The following DMD variants were observed in gnomAD, a reference collection of about 807,000 sequenced individuals.
The protein encoded by DMD is dystrophin.
In DMD, 63 loss-of-function variants were observed where a neutral mutation model predicts 330.1. The observed-to-expected ratio is 0.19, with a 90% confidence interval of 0.16 to 0.24. DMD has a LOEUF of 0.24. Ranked by LOEUF, DMD falls within the 10% of genes least tolerant of loss-of-function variation. The probability of loss-of-function intolerance (pLI) is 1.00; values close to 1 mark genes in which losing one functional copy is unlikely to be tolerated. For synonymous variants in DMD, 1,223 were observed against 959.8 expected, an observed-to-expected ratio of 1.27 and a Z score of -5.07; for missense variants, 3,344 against 2,684.1, an observed-to-expected ratio of 1.25 and a Z score of -5.43.
rs1006402565 is a variant in DMD at position 32,608,901 on chromosome X, A to T, written c.1482+5402T>A. ...AAATGAAACTTCATAGCAGAAACAA[A>T]CAACATGTAATTTTAACCTTGCTAA... On this transcript the variant is annotated intron_variant, in intron 12 of 78. Transcript: ENST00000357033. Among the ~76,000 whole-genome samples the T allele has an allele frequency of 1.7e-4, 19 of 110,974 alleles. No individual in the cohort carries two copies. The Middle Eastern group carries it at 0.014, about 81-fold the overall frequency.
rs771156561 is a variant in DMD at position 31,182,704 on chromosome X, A to G, written c.9974+34T>C. The stretch of plus-strand genomic sequence containing the variant: ...TCATAAAAAGGTGAAAAATGATGAG[A>G]AAAAAATGACATTTTTTTTTTGGTT... On this transcript the variant is annotated intron_variant, in intron 68 of 78. Coordinates refer to ENST00000357033, the MANE Select transcript of DMD (RefSeq NM_004006.3). 4 of 1,155,065 alleles carry G rather than the reference A, an allele frequency of 3.5e-6. No homozygotes were observed. The Admixed American group carries it at 9.5e-5, about 27-fold the overall frequency.
At chrX:31,212,456 G>A (rs1443041750) in intron 64 of DMD, among the ~76,000 whole-genome samples, 1 of 109,512 alleles carries the variant, frequency 9.1e-6, no homozygotes, top group Non-Finnish European at 1.9e-5. Context: ...GTGGCGGTTG[G>A]GGGGCGGCGA....
chrX:32,681,725 T>A (rs1421264638), intron 9 of DMD, among the ~76,000 whole-genome samples: 1 of 112,182 alleles, frequency 8.9e-6, no homozygotes, highest in African/African-American at 3.2e-5. Context: ...TTCTAGTCCT[T>A]TTCCTCTTGG....
chrX:31,800,682 C>T (rs760173088), intron 50 of DMD, among the ~76,000 whole-genome samples: 28 of 112,427 alleles, frequency 2.5e-4, no homozygotes, highest in Non-Finnish European at 5.1e-4. Flanking sequence ...CATTGTTAGG[C>T]TGCAGATTTT....
chrX:31,482,071 C>T (rs990302594), intron 57 of DMD, among the ~76,000 whole-genome samples: 2 of 111,206 alleles, frequency 1.8e-5, no homozygotes, highest in Non-Finnish European at 3.8e-5. Flanking sequence ...CATCATGTTG[C>T]CCTAGGGGTA....
chrX:32,048,349 AT>A (rs764200400), intron 44 of DMD, among the ~76,000 whole-genome samples: 14 of 103,502 alleles, frequency 1.4e-4, no homozygotes, highest in East Asian at 3.0e-4. Flanking sequence ...ATGCTTTTAA[AT>A]TTTTTTTTTC....
intron 2 of DMD, among the ~76,000 whole-genome samples, chrX:32,900,791 T>C (rs751538064): frequency 4.5e-5 from 5 of 112,005 alleles, no homozygotes; most frequent in East Asian, 2.8e-4. Context: ...GAAGATCACA[T>C]TGGAGGTCAA....
Position 32,386,372 on chromosome X carries a change from G to A in DMD, c.4612C>T (p.Pro1538Ser), listed in dbSNP as rs778957669. Residue 1538 changes from proline (P) to serine (S), a missense_variant, in exon 33 of 79, where the codon CCC (proline) becomes TCC (serine). By Grantham distance (74) the Pro-to-Ser change is moderately conservative. Coordinates refer to ENST00000357033, the MANE Select transcript of DMD (RefSeq NM_004006.3). The part of the protein sequence containing the change: ...QIVQKKQTEN[P>S]KELDERVTAL... ...GTTACTCTTTCATCAAGTTCTTTGG[G>A]ATTTTCCGTCTGCTTTTTCTGTACA... 5 of 1,207,066 alleles carry A rather than the reference G, an allele frequency of 4.1e-6. No homozygotes were observed. The highest frequency in any genetic ancestry group is 3.0e-5 in the East Asian group (1 of 33,688).
rs752298229 is a variant in DMD, at chrX:31,647,463, C to T, written c.8027+10527G>A. Among the ~76,000 whole-genome samples the T allele has an allele frequency of 2.4e-4, 27 of 112,051 alleles. No individual in the cohort carries two copies. In the South Asian group the frequency reaches 3.3e-3, roughly 14 times the overall value. ...AACAAAACATATCTCACTATAAAAA[C>T]ATAAAATCATAAATAATCATTATGA... On this transcript the variant is annotated intron_variant, in intron 54 of 78. Transcript: ENST00000357033.
Position 31,120,866 on chromosome X carries a change from T to TATCAATCAATCAATCAATCAACCA in DMD, c.*1029_*1052dup, listed in dbSNP as rs1555970706. 117 of 108,136 alleles carry TATCAATCAATCAATCAATCAACCA rather than the reference T, an allele frequency of 1.1e-3. No homozygotes were observed. The highest frequency in any genetic ancestry group is 4.0e-3 in the African/African-American group (113 of 27,994). The allele number at this position is 108,136 out of a possible 1,213,427, so 8.9% of individuals were successfully genotyped here. The stretch of plus-strand genomic sequence containing the variant: ...ATTGCTAGCAGCAGGAAGCTGAATG[T>TATCAATCAATCAATCAATCAACCA]ATCAATCAATCAATCAATCAACCAA... On this transcript the variant is annotated 3_prime_UTR_variant, in exon 79 of 79. Coordinates refer to ENST00000357033, the MANE Select transcript of DMD (RefSeq NM_004006.3).
chrX:32,512,808 G>T (rs1048780495), intron 18 of DMD, among the ~76,000 whole-genome samples: 1 of 111,852 alleles, frequency 8.9e-6, no homozygotes, highest in Admixed American at 9.5e-5. Flanking sequence ...GTCTCTAAGA[G>T]TATGTTAGAA....
At chrX:31,465,023 A>G (rs754688403) in intron 59 of DMD, among the ~76,000 whole-genome samples, 2 of 111,970 alleles carry the variant, frequency 1.8e-5, no homozygotes, top group African/African-American at 6.5e-5. Context: ...ACACAGCGCT[A>G]TCTAAAATCA....
intron 45 of DMD, among the ~76,000 whole-genome samples, chrX:31,948,772 G>A (rs73619021): frequency 0.11 from 11,720 of 110,927 alleles, 470 homozygotes; most frequent in Non-Finnish European, 0.12. Context: ...CTCTGTTTCT[G>A]TACACTAACA....
At chrX:32,974,722 T>C (rs1436119745) in intron 2 of DMD, among the ~76,000 whole-genome samples, 1 of 111,707 alleles carries the variant, frequency 9.0e-6, no homozygotes, top group Non-Finnish European at 1.9e-5. Flanking sequence ...ACAAGTTTTA[T>C]TGTGCAGATG....
chrX:33,096,216 C>T (rs1283480274), intron 1 of DMD, among the ~76,000 whole-genome samples: 3 of 110,437 alleles, frequency 2.7e-5, no homozygotes, highest in Non-Finnish European at 5.7e-5. Flanking sequence ...CCTCGTGATC[C>T]ACCCACCTTG....
intron 44 of DMD, among the ~76,000 whole-genome samples, chrX:32,023,844 C>T: frequency 9.0e-6 from 1 of 111,573 alleles, no homozygotes; most frequent in Non-Finnish European, 1.9e-5. Flanking sequence ...GAACAGACAA[C>T]GAGTACTGCA....
chrX:32,639,092 A>G (rs1260431492), intron 11 of DMD, among the ~76,000 whole-genome samples: 1 of 111,723 alleles, frequency 9.0e-6, no homozygotes, highest in East Asian at 2.8e-4. Context: ...TTTTTCCCTT[A>G]CCGTCACAGA....
chrX:32,257,572 T>G (rs111819032), intron 43 of DMD, among the ~76,000 whole-genome samples: 50 of 111,688 alleles, frequency 4.5e-4, no homozygotes, highest in African/African-American at 1.6e-3. Context: ...GGGGAAAGGA[T>G]TCCCTATTTA....
intron 7 of DMD, among the ~76,000 whole-genome samples, chrX:32,806,279 G>T (rs2076937326): frequency 9.1e-6 from 1 of 109,972 alleles, no homozygotes; most frequent in Non-Finnish European, 1.9e-5. Context: ...TAAAAGCAGG[G>T]GTTGCAATTC....
Sources: gnomAD v4.1 joint callset for allele counts (sites outside exome capture counted in the v4.1 genomes callset) on GRCh38, gnomAD v4.1.1 for gene constraint, MANE v1.5 for transcripts, NCBI Gene and HGNC (gene_info 2026-07-23, HGNC 2026-07-21) for gene names.